The following PLSCR2 variants were observed in gnomAD, a reference collection of about 807,000 sequenced individuals.
PLSCR2 encodes the protein phospholipid scramblase 2.
In PLSCR2, 18 loss-of-function variants were observed where a neutral mutation model predicts 25.3. The observed-to-expected ratio is 0.71, with a 90% CI of 0.49 to 1.06. PLSCR2 has a LOEUF of 1.06. PLSCR2 is among the 50% of genes least tolerant of loss of function. PLSCR2 has a pLI of 0.00. For synonymous variants in PLSCR2, 88 were observed against 87.3 expected (o/e 1.01, Z -0.04); for missense variants, 243 against 269.5 (o/e 0.90, Z 0.69).
At chr3:146,428,901 G>A (rs929511335), downstream of PLSCR2, among the ~76,000 whole-genome samples, 1 of 152,108 alleles carries the variant, frequency 6.6e-6, no homozygotes, top group Non-Finnish European at 1.5e-5. Flanking sequence ...TTCCACATTG[G>A]CTTTGAGCCA....
intron 1 of PLSCR2, among the ~76,000 whole-genome samples, chr3:146,475,442 A>G (rs1158780306): frequency 2.0e-5 from 3 of 152,032 alleles, no homozygotes; most frequent in Admixed American, 2.0e-4. Context: ...TATTCATCTT[A>G]CATTCCTACT....
intron 1 of PLSCR2, among the ~76,000 whole-genome samples, chr3:146,465,867 T>C (rs2041840340): frequency 6.6e-6 from 1 of 152,212 alleles, no homozygotes; most frequent in South Asian, 2.1e-4. Context: ...AAGATTTGGT[T>C]ACCATCTAAG....
intron 2 of PLSCR2, among the ~76,000 whole-genome samples, chr3:146,397,226 G>A (rs1424582886): frequency 6.6e-6 from 1 of 151,970 alleles, no homozygotes; most frequent in Non-Finnish European, 1.5e-5. Context: ...ACAGGATTAG[G>A]GTATTGCAGA....
chr3:146,427,080 C>T (rs188236650), intron 2 of PLSCR2, among the ~76,000 whole-genome samples: 7 of 152,274 alleles, frequency 4.6e-5, no homozygotes, highest in African/African-American at 1.7e-4. Context: ...TTTATTTAAA[C>T]AACTGCTAAA....
chr3:146,427,864 A>G (rs1175389058), intron 2 of PLSCR2, among the ~76,000 whole-genome samples: 2 of 152,218 alleles, frequency 1.3e-5, no homozygotes, highest in African/African-American at 4.8e-5. Context: ...CCAATAGCCC[A>G]GAGCAATATC....
chr3:146,412,040 A>T (rs2038870719), intron 2 of PLSCR2, among the ~76,000 whole-genome samples: 1 of 151,936 alleles, frequency 6.6e-6, no homozygotes, highest in Admixed American at 6.6e-5. Context: ...GCCAAGATGG[A>T]GTCTGTCTGG....
At chr3:146,440,544 G>A (rs1173459487), downstream of PLSCR2, among the ~76,000 whole-genome samples, 2 of 152,212 alleles carry the variant, frequency 1.3e-5, no homozygotes, top group Non-Finnish European at 2.9e-5. Context: ...AGCAGCGAGC[G>A]AGGCTCCATG....
At chr3:146,402,470 T>G (rs181980363) in intron 2 of PLSCR2, among the ~76,000 whole-genome samples, 9 of 148,742 alleles carry the variant, frequency 6.1e-5, no homozygotes, top group Non-Finnish European at 1.3e-4. Flanking sequence ...CATTCTGGTG[T>G]TTTTTTTTTC....
chr3:146,458,498 T>C lies in PLSCR2; in HGVS notation c.58-45A>G, dbSNP rs116285930. The C allele has an allele frequency of 1.4e-3, 1,843 of 1,276,956 alleles. 23 individuals carry two copies. The African/African-American group carries it at 0.025, about 18-fold the overall frequency. The allele number at this position is 1,276,956 out of a possible 1,614,324, so 79.1% of individuals were successfully genotyped here. On this transcript the variant is annotated intron_variant, in intron 2 of 6. Transcript: ENST00000610787. The stretch of plus-strand genomic sequence containing the variant: ...ATGAAGTTGTATGTCAAATATTTTA[T>C]AGAGAACTAATTACTATTCATGTTT...
chr3:146,455,187 G>A, intron 4 of PLSCR2, 52 bp downstream of exon 4: 1 of 1,168,774 alleles, frequency 8.6e-7, no homozygotes, highest in Non-Finnish European at 1.3e-6. Flanking sequence ...ATAAAAGGGT[G>A]GAAATCCTTG....
chr3:146,468,380 T>C (rs931737766), intron 1 of PLSCR2, among the ~76,000 whole-genome samples: 10 of 152,348 alleles, frequency 6.6e-5, no homozygotes, highest in African/African-American at 2.4e-4. Context: ...GTACTAACCA[T>C]GTATCTCAGT....
chr3:146,463,588 C>T (rs1214019277), upstream of PLSCR2, among the ~76,000 whole-genome samples: 2 of 152,164 alleles, frequency 1.3e-5, no homozygotes, highest in Non-Finnish European at 2.9e-5. Context: ...TACTGTAGAT[C>T]CCAGTGCTTT....
chr3:146,424,239 T>C (rs1400678025), intron 2 of PLSCR2, among the ~76,000 whole-genome samples: 1 of 152,130 alleles, frequency 6.6e-6, no homozygotes, highest in Non-Finnish European at 1.5e-5. Flanking sequence ...TGGTCTTTCC[T>C]TGGTGCTTGT....
intron 2 of PLSCR2, among the ~76,000 whole-genome samples, chr3:146,424,124 A>T (rs2039253983): frequency 9.1e-6 from 1 of 109,400 alleles, no homozygotes; most frequent in Admixed American, 1.1e-4. Flanking sequence ...CCCAGAATTT[A>T]AAGTATTTAA....
At chr3:146,455,084 C>T (rs1272477166) in intron 4 of PLSCR2, among the ~76,000 whole-genome samples, 155 bp downstream of exon 4, 1 of 152,206 alleles carries the variant, frequency 6.6e-6, no homozygotes, top group Non-Finnish European at 1.5e-5. Flanking sequence ...CTGTTGTTTA[C>T]TTGCCTTCCT....
At chr3:146,476,061 T>C (rs1487872936) in intron 1 of PLSCR2, among the ~76,000 whole-genome samples, 1 of 151,972 alleles carries the variant, frequency 6.6e-6, no homozygotes, top group Non-Finnish European at 1.5e-5. Context: ...ACTAATTATT[T>C]CCCAAAACTG....
At chr3:146,474,862 G>A (rs568492916) in intron 1 of PLSCR2, among the ~76,000 whole-genome samples, 10 of 150,802 alleles carry the variant, frequency 6.6e-5, no homozygotes, top group African/African-American at 9.8e-5. Flanking sequence ...CTCTATTCTC[G>A]TCTGCATGTC....
At chr3:146,479,076 C>T (rs545395341) in intron 1 of PLSCR2, among the ~76,000 whole-genome samples, 9 of 152,260 alleles carry the variant, frequency 5.9e-5, no homozygotes, top group Non-Finnish European at 1.3e-4. Flanking sequence ...GCCTACCTTA[C>T]AAGAGCTCCT....
chr3:146,466,280 C>T (rs1338939485), intron 1 of PLSCR2, among the ~76,000 whole-genome samples: 3 of 152,202 alleles, frequency 2.0e-5, no homozygotes, highest in Non-Finnish European at 2.9e-5. Context: ...AAGCAATTCT[C>T]GTGCCTCAGC....
Sources: gnomAD v4.1 joint callset for allele counts (sites outside exome capture counted in the v4.1 genomes callset) on GRCh38, gnomAD v4.1.1 for gene constraint, MANE v1.5 for transcripts, NCBI Gene and HGNC (gene_info 2026-07-23, HGNC 2026-07-21) for gene names.